The following ZNF264 variants were observed in gnomAD, a reference collection of about 807,000 sequenced individuals.
The protein encoded by ZNF264 is zinc finger protein 264.
ZNF264 carries 11 observed loss-of-function variants against 11.2 expected under a neutral mutation model. The ratio of observed to expected loss-of-function variants is 0.98; its 90% CI spans 0.62 to 1.63. The LOEUF (loss-of-function observed/expected upper bound fraction) is 1.63, where lower values mean the gene tolerates loss of function less well. Ranked by LOEUF, ZNF264 falls within the 40% of genes most tolerant of loss-of-function variation. The pLI is 0.00. For missense variants in ZNF264, 752 were observed against 768.1 expected (o/e 0.98, Z 0.25); for synonymous variants, 309 against 279.8 (o/e 1.10, Z -1.04).
intron 2 of ZNF264, 24 bp downstream of exon 2, chr19:57,194,025 C>T (rs1477485783): frequency 6.3e-7 from 1 of 1,585,604 alleles, no homozygotes; most frequent in African/African-American, 1.3e-5. Flanking sequence ...TCCCCCTCCA[C>T]CATGCAGGTG....
At chr19:57,209,862 C>T (rs1460725757) in intron 3 of ZNF264, among the ~76,000 whole-genome samples, 1 of 152,002 alleles carries the variant, frequency 6.6e-6, no homozygotes, top group Non-Finnish European at 1.5e-5. Flanking sequence ...CCTCCCAAAG[C>T]ACTAGGATTA....
At position 57,212,791 on chromosome 19, in the gene ZNF264, A is replaced by G; in HGVS notation, c.1694A>G (p.Asn565Ser). Residue 565 changes from asparagine (N) to serine (S), a missense_variant, in exon 4 of 4, where the codon AAT becomes AGT. Physicochemically the swap from Asn to Ser is conservative, Grantham distance 46. Coordinates refer to ENST00000263095, the MANE Select transcript of ZNF264 (RefSeq NM_003417.5). ...CATCAAAGGATGCATACTGGGAAAA[A>G]TCCCATCAGTGTAACAGATGTGGGA... ...TQHQRMHTGK[N>S]PISVTDVGRP... The G allele has an allele frequency of 6.2e-7, 1 of 1,614,070 alleles. No homozygotes were observed. The highest frequency in any genetic ancestry group is 8.5e-7 in the Non-Finnish European group (1 of 1,179,922).
intron 2 of ZNF264, among the ~76,000 whole-genome samples, chr19:57,202,334 T>C (rs1250597789): frequency 6.6e-6 from 1 of 151,996 alleles, no homozygotes; most frequent in Non-Finnish European, 1.5e-5. Context: ...AGAGGGCATA[T>C]GCTGGGCCTC....
intron 2 of ZNF264, among the ~76,000 whole-genome samples, chr19:57,197,469 G>T (rs1006884908): frequency 6.6e-6 from 1 of 151,802 alleles, no homozygotes; most frequent in African/African-American, 2.4e-5. Flanking sequence ...TTCACCTATG[G>T]GGGCCTGCCA....
Position 57,195,106 on chromosome 19 carries a change from T to C in ZNF264, c.160+1105T>C, listed in dbSNP as rs374470573. On this transcript the variant is annotated intron_variant, in intron 2 of 3. Transcript: ENST00000263095. ...CATCACAACTCCATCCCTTGTCAAC[T>C]TGAACCCATACACATCTCCTGAGAT... 2.5e-4 allele frequency: 83 copies of C among 328,460 alleles called. 1 individual carries two copies. The South Asian group carries it at 0.013, about 51-fold the overall frequency. The allele number at this position is 328,460 out of a possible 1,614,324, so 20.3% of individuals were successfully genotyped here.
At chr19:57,192,453 T>C (rs1226702898) in intron 1 of ZNF264, 2 of 985,292 alleles carry the variant, frequency 2.0e-6, no homozygotes, top group Non-Finnish European at 2.4e-6. Flanking sequence ...TCAGATGCCC[T>C]TACTCTCATC....
At position 57,193,858 on chromosome 19, in the gene ZNF264, T is replaced by A. The variant is rs1420180768; in HGVS notation, c.34-17T>A. 1 of 1,613,720 alleles carries A rather than the reference T, an allele frequency of 6.2e-7. No homozygotes were observed. Among genetic ancestry groups the A allele is most frequent in the Non-Finnish European group, 8.5e-7 (1 of 1,179,786 alleles). Reference sequence around the variant, plus strand: ...CAGCTGAAAGGCCAATACTACTAATTCTGTTTGACTTTCCAGGTGTCTGTG... The same window carrying A: ...CAGCTGAAAGGCCAATACTACTAATACTGTTTGACTTTCCAGGTGTCTGTG... On this transcript the variant is annotated splice_polypyrimidine_tract_variant and intron_variant, in intron 1 of 3. Coordinates refer to ENST00000263095, the MANE Select transcript of ZNF264 (RefSeq NM_003417.5).
Position 57,191,773 on chromosome 19 carries a change from G to A in ZNF264, c.-141G>A. On this transcript the variant is annotated 5_prime_UTR_variant, in exon 1 of 4. Transcript: ENST00000263095. The stretch of plus-strand genomic sequence containing the variant: ...CGAGGAGGCGGCGGCCCTGCGTCTG[G>A]AACGCCGTTGCCACCGAGGAGGCGG... The A allele has an allele frequency of 1.7e-6, 1 of 572,614 alleles. No homozygotes were observed. The highest frequency in any genetic ancestry group is 2.6e-6 in the Non-Finnish European group (1 of 385,440). 35.5% of individuals were successfully genotyped at this position (572,614 alleles called of 1,614,324 possible). A position where few individuals can be genotyped will look rare whatever the true frequency, so the allele number is the denominator to read the frequency against.
At chr19:57,200,556 GTGTCTTGTCTTGTCT>G (rs71898528) in intron 2 of ZNF264, among the ~76,000 whole-genome samples, 113 of 147,432 alleles carry the variant, frequency 7.7e-4, no homozygotes, top group Non-Finnish European at 1.3e-3. Context: ...CTTGTGTCTT[GTGTCTTGTCTTGTCT>G]TGTCTTGTCT....
intron 1 of ZNF264, 38 bp downstream of exon 1, chr19:57,191,984 C>G: frequency 6.6e-7 from 1 of 1,508,648 alleles, no homozygotes; most frequent in Non-Finnish European, 8.9e-7. Flanking sequence ...CGCTTCCTTG[C>G]CAGCGCTGAG....
intron 3 of ZNF264, among the ~76,000 whole-genome samples, chr19:57,206,224 T>C (rs538601545): frequency 7.2e-5 from 11 of 152,128 alleles, no homozygotes; most frequent in Non-Finnish European, 1.6e-4. Flanking sequence ...ACATTGAGTC[T>C]GTTCCTGAAA....
chr19:57,196,325 A>C (rs992206440), intron 2 of ZNF264, among the ~76,000 whole-genome samples: 1 of 152,014 alleles, frequency 6.6e-6, no homozygotes. Context: ...CACTGCGTGC[A>C]GGATAAGCAA....
At chr19:57,195,351 T>A (rs2087204428) in intron 2 of ZNF264, among the ~76,000 whole-genome samples, 1 of 152,246 alleles carries the variant, frequency 6.6e-6, no homozygotes, top group Non-Finnish European at 1.5e-5. Flanking sequence ...ATCACAAACA[T>A]GTTTTTAATA....
chr19:57,212,908 T>G lies in ZNF264; in HGVS notation c.1811T>G (p.Leu604Trp). ...FLNVTTEANI[L>W]PEETSSSASD... ...AATGTAACCACTGAGGCAAATATTT[T>G]GCCAGAGGAAACATCTTCCTCTGCA... The change falls in exon 4 of 4, where the codon TTG (leucine) becomes TGG (tryptophan). Residue 604 changes from leucine to tryptophan, a missense_variant. Leu to Trp is a moderately conservative substitution (Grantham distance 61). Transcript: ENST00000263095. 1 of 1,614,180 alleles carries G rather than the reference T, an allele frequency of 6.2e-7. No individual in the cohort carries two copies. The highest frequency in any genetic ancestry group is 8.5e-7 in the Non-Finnish European group (1 of 1,180,006).
intron 2 of ZNF264, among the ~76,000 whole-genome samples, chr19:57,203,265 G>T (rs1054696599): frequency 1.4e-4 from 22 of 152,044 alleles, no homozygotes; most frequent in Non-Finnish European, 2.1e-4. Flanking sequence ...ATACTGGCTT[G>T]GTATGTGAGA....
At position 57,218,387 on chromosome 19, in the gene ZNF264, A is replaced by G. The variant is rs2087395257; in HGVS notation, c.*5406A>G. On this transcript the variant is annotated 3_prime_UTR_variant, in exon 4 of 4. Transcript: ENST00000263095. ...ATCAGTTCTGTCAAGCTTCATTCAA[A>G]GTGTTTTTCATTGTCTCTAGTGTTC... 1 of 152,228 alleles carries G rather than the reference A, an allele frequency of 6.6e-6. No individual in the cohort carries two copies. Among genetic ancestry groups the G allele is most frequent in the Admixed American group, 6.5e-5 (1 of 15,282 alleles). The allele number at this position is 152,228 out of a possible 1,614,324, so 9.4% of individuals were successfully genotyped here. A position where few individuals can be genotyped will look rare whatever the true frequency, so the allele number is the denominator to read the frequency against.
Position 57,206,846 on chromosome 19 carries a change from C to T in ZNF264, c.256+1354C>T, listed in dbSNP as rs2087296620. On this transcript the variant is annotated intron_variant, in intron 3 of 3. Transcript: ENST00000263095. ...CATGTCTTCCTATATCTCCTGTTTT[C>T]CAAAAACCTCAGGGTGACATTTGAC... is the stretch of plus-strand genomic sequence containing the variant. Among the ~76,000 whole-genome samples the T allele has an allele frequency of 2.1e-5, 3 of 143,964 alleles. No individual in the cohort carries two copies. In the South Asian group the frequency reaches 7.0e-4, roughly 33 times the overall value. 94.4% of individuals were successfully genotyped at this position (143,964 alleles called of 152,430 possible).
chr19:57,198,296 C>A (rs1485725006), intron 2 of ZNF264, among the ~76,000 whole-genome samples: 1 of 152,008 alleles, frequency 6.6e-6, no homozygotes, highest in Non-Finnish European at 1.5e-5. Flanking sequence ...ATCCGTCTGT[C>A]TTCTGCTCAG....
At chr19:57,207,546 T>A (rs543132015) in intron 3 of ZNF264, among the ~76,000 whole-genome samples, 118 of 118,122 alleles carry the variant, frequency 1.0e-3, no homozygotes, top group Non-Finnish European at 7.3e-4. Flanking sequence ...TTTTCTTTTC[T>A]TTTTTTTTTT....
Sources: gnomAD v4.1 joint callset for allele counts (sites outside exome capture counted in the v4.1 genomes callset) on GRCh38, gnomAD v4.1.1 for gene constraint, MANE v1.5 for transcripts, NCBI Gene and HGNC (gene_info 2026-07-23, HGNC 2026-07-21) for gene names.